Variants in B4GALNT3 observed in about 807,000 individuals in gnomAD.
B4GALNT3 encodes the protein beta-1,4-N-acetyl-galactosaminyltransferase 3, also known as beta-1,4-N-acetylgalactosaminyltransferase 3.
Under a neutral mutation model 120.2 loss-of-function variants are expected in B4GALNT3, and 86 were observed. The ratio of observed to expected loss-of-function variants is 0.72; its 90% confidence interval spans 0.60 to 0.86. B4GALNT3 has a LOEUF of 0.86. Among genes scored for constraint, B4GALNT3 ranks in the 40% least tolerant of loss-of-function variants. The pLI is 0.00. For missense variants in B4GALNT3, 1,167 were observed against 1,298.9 expected, an observed-to-expected ratio of 0.90 and a Z score of 1.56; for synonymous variants, 518 against 510.4, an observed-to-expected ratio of 1.01 and a Z score of -0.20.
intron 1 of B4GALNT3, among the ~76,000 whole-genome samples, chr12:516,931 G>T (rs1438501115): frequency 1.3e-5 from 2 of 152,124 alleles, no homozygotes; most frequent in African/African-American, 2.4e-5. Context: ...GATTGGATAT[G>T]GGGAGAGGAA....
intron 1 of B4GALNT3, among the ~76,000 whole-genome samples, chr12:473,117 C>T (rs1345127609): frequency 6.6e-6 from 1 of 152,100 alleles, no homozygotes; most frequent in African/African-American, 2.4e-5. Context: ...CACAGGCATA[C>T]ACCACCATGC....
intron 1 of B4GALNT3, among the ~76,000 whole-genome samples, chr12:480,317 C>T (rs1946226905): frequency 6.6e-6 from 1 of 152,206 alleles, no homozygotes; most frequent in Non-Finnish European, 1.5e-5. Context: ...TTGTGGGATT[C>T]AGGCTGTGTG....
chr12:553,090 G>A, intron 13 of B4GALNT3, 104 bp from the exon 14 acceptor site: 1 of 1,495,296 alleles, frequency 6.7e-7, no homozygotes, highest in Non-Finnish European at 9.0e-7. Flanking sequence ...CCCCAGTCTG[G>A]AGCCCCATGG....
chr12:500,865 C>CT lies in B4GALNT3; in HGVS notation c.170-34281dup, dbSNP rs55927726. 1.0e-2 allele frequency among the ~76,000 whole-genome samples: 618 copies of CT among 61,802 alleles called. 92 individuals are homozygous for CT. Among genetic ancestry groups the CT allele is most frequent in the African/African-American group, 0.041 (548 of 13,332 alleles). The allele number at this position is 61,802 out of a possible 152,430, so 40.5% of individuals were successfully genotyped here. A position where few individuals can be genotyped will look rare whatever the true frequency, so the allele number is the denominator to read the frequency against. On this transcript the variant is annotated intron_variant, in intron 1 of 19. Transcript: ENST00000266383. ...CTGAATTTGAATCCTGGCTCCACTGCTTTTTTTTTTTTTTTTTTTTGACAC... is the reference window on the plus strand; with the variant it reads ...CTGAATTTGAATCCTGGCTCCACTGCTTTTTTTTTTTTTTTTTTTTTGACAC...
chr12:482,683 T>C (rs1946253266), intron 1 of B4GALNT3, among the ~76,000 whole-genome samples: 1 of 152,108 alleles, frequency 6.6e-6, no homozygotes. Context: ...CACAGAGGGC[T>C]TCAAAACGTG....
intron 1 of B4GALNT3, among the ~76,000 whole-genome samples, chr12:528,376 C>G (rs1212719351): frequency 6.6e-6 from 1 of 152,110 alleles, no homozygotes; most frequent in Non-Finnish European, 1.5e-5. Flanking sequence ...CAGGTGTGAG[C>G]CACTGCACCC....
At position 512,276 on chromosome 12, in the gene B4GALNT3, C is replaced by CCTT. The variant is rs749628163; in HGVS notation, c.170-22888_170-22886dup. Among the ~76,000 whole-genome samples the CCTT allele has an allele frequency of 4.9e-5, 5 of 101,218 alleles. 1 individual carries two copies. Among genetic ancestry groups the CCTT allele is most frequent in the African/African-American group, 1.6e-4 (3 of 18,476 alleles). The allele number at this position is 101,218 out of a possible 152,430, so 66.4% of individuals were successfully genotyped here. On this transcript the variant is annotated intron_variant, in intron 1 of 19. Transcript: ENST00000266383. ...TTCCACCTTCTTCCACCTTCTTCCA[C>CCTT]CTTCCACCTTCCACCTTCTTCCACC...
At chr12:504,229 T>C (rs1021888948) in intron 1 of B4GALNT3, among the ~76,000 whole-genome samples, 3 of 148,190 alleles carry the variant, frequency 2.0e-5, no homozygotes, top group Middle Eastern at 7.0e-3. Context: ...TGCAGTGAGC[T>C]GAGATTGCAT....
intron 1 of B4GALNT3, among the ~76,000 whole-genome samples, chr12:514,398 C>T (rs569369110): frequency 9.2e-5 from 14 of 151,862 alleles, no homozygotes; most frequent in East Asian, 5.9e-4. Flanking sequence ...GGGGTTTCAC[C>T]GTGTTAGCCA....
At chr12:514,387 C>T (rs551046102) in intron 1 of B4GALNT3, among the ~76,000 whole-genome samples, 18 of 151,820 alleles carry the variant, frequency 1.2e-4, no homozygotes, top group South Asian at 8.3e-4. Context: ...TTAGTAGAGG[C>T]GGGGTTTCAC....
intron 14 of B4GALNT3, among the ~76,000 whole-genome samples, chr12:554,630 A>T (rs988049846): frequency 1.1e-4 from 17 of 151,434 alleles, no homozygotes; most frequent in African/African-American, 3.9e-4. Context: ...CTCTACTAAA[A>T]ATACAAAAAA....
intron 14 of B4GALNT3, among the ~76,000 whole-genome samples, chr12:554,623 T>A (rs1291008968): frequency 2.1e-4 from 32 of 151,166 alleles, no homozygotes; most frequent in African/African-American, 7.5e-4. Context: ...ACCCCGTCTC[T>A]ACTAAAAATA....
Position 535,155 on chromosome 12 carries a change from C to T in B4GALNT3, c.170-11C>T. 2 of 1,606,814 alleles carry T rather than the reference C, an allele frequency of 1.2e-6. No individual in the cohort carries two copies. The highest frequency in any genetic ancestry group is 1.1e-5 in the South Asian group (1 of 90,738). ...CGCTGACCTGAGGGCTCCTCTCTTC[C>T]CCTTCCACAGGGTACGGCAGCTGGA... On this transcript the variant is annotated splice_polypyrimidine_tract_variant and intron_variant, in intron 1 of 19. Coordinates refer to ENST00000266383, the MANE Select transcript of B4GALNT3 (RefSeq NM_173593.4).
chr12:543,363 G>A (rs1363396319), intron 3 of B4GALNT3, among the ~76,000 whole-genome samples: 2 of 151,424 alleles, frequency 1.3e-5, no homozygotes, highest in Admixed American at 6.6e-5. Flanking sequence ...GAGGAGCTGG[G>A]GCAGGCATGG....
chr12:489,693 A>G (rs1200066088), intron 1 of B4GALNT3, among the ~76,000 whole-genome samples: 1 of 152,252 alleles, frequency 6.6e-6, no homozygotes, highest in Non-Finnish European at 1.5e-5. Context: ...CTCTCTAGAA[A>G]TTGACAGATG....
chr12:485,204 G>A (rs1224675219), intron 1 of B4GALNT3, among the ~76,000 whole-genome samples: 1 of 152,144 alleles, frequency 6.6e-6, no homozygotes, highest in African/African-American at 2.4e-5. Flanking sequence ...GCACGGATGT[G>A]CCAGGGACAG....
In B4GALNT3 at chr12:561,519, A is replaced by G. The variant is rs1947232423; in HGVS notation, c.*68A>G. 2 of 1,288,984 alleles carry G rather than the reference A, an allele frequency of 1.6e-6. No individual in the cohort carries two copies. Among genetic ancestry groups the G allele is most frequent in the Admixed American group, 3.9e-5 (2 of 51,740 alleles). The allele number at this position is 1,288,984 out of a possible 1,614,324, so 79.8% of individuals were successfully genotyped here. ...AGCAGTGGCTCCCCAGGGCCCTGCT[A>G]CTGTTCAGGGATGGGGAGTGGGGTG... is the stretch of plus-strand genomic sequence containing the variant. On this transcript the variant is annotated 3_prime_UTR_variant, in exon 20 of 20. Coordinates refer to ENST00000266383, the MANE Select transcript of B4GALNT3 (RefSeq NM_173593.4).
chr12:507,796 G>A (rs145130804), intron 1 of B4GALNT3, among the ~76,000 whole-genome samples: 12 of 146,622 alleles, frequency 8.2e-5, no homozygotes, highest in African/African-American at 3.3e-4. Flanking sequence ...AAATCCAGTA[G>A]TAGCTTGGTG....
intron 1 of B4GALNT3, among the ~76,000 whole-genome samples, chr12:523,294 C>G (rs1389815588): frequency 6.6e-6 from 1 of 152,218 alleles, no homozygotes; most frequent in African/African-American, 2.4e-5. Flanking sequence ...TTCCTTCATT[C>G]ATTCATTCAC....
Sources: gnomAD v4.1 joint callset for allele counts (sites outside exome capture counted in the v4.1 genomes callset) on GRCh38, gnomAD v4.1.1 for gene constraint, MANE v1.5 for transcripts, NCBI Gene and HGNC (gene_info 2026-07-23, HGNC 2026-07-21) for gene names.